EAF2: variants seen among roughly 807,000 people sequenced by gnomAD.
The protein encoded by EAF2 is ELL associated factor 2, also known as ELL-associated factor 2.
A neutral mutation model predicts 29.4 loss-of-function variants in EAF2; 29 were observed. The ratio of observed to expected loss-of-function variants is 0.99; its 90% CI spans 0.73 to 1.35. The LOEUF (loss-of-function observed/expected upper bound fraction) is 1.35. Among genes scored for constraint, EAF2 ranks in the 40% most tolerant of loss-of-function variants. The probability of loss-of-function intolerance (pLI) is 0.00; values close to 1 mark genes in which losing one functional copy is unlikely to be tolerated. For synonymous variants in EAF2, 103 were observed against 102.5 expected (o/e 1.00, Z -0.03); for missense variants, 292 against 312.0 (o/e 0.94, Z 0.48).
At chr3:121,839,278 T>C (rs1205162303) in intron 1 of EAF2, among the ~76,000 whole-genome samples, 1 of 152,194 alleles carries the variant, frequency 6.6e-6, no homozygotes, top group Non-Finnish European at 1.5e-5. Context: ...ATATCTTCTC[T>C]TGGCAGCAGT....
intron 1 of EAF2, among the ~76,000 whole-genome samples, chr3:121,843,091 A>C (rs1708463278): frequency 6.6e-6 from 1 of 152,166 alleles, no homozygotes; most frequent in Non-Finnish European, 1.5e-5. Context: ...CTTTCTGTAA[A>C]TTGTTTATAT....
At chr3:121,881,311 G>A (rs1435392106) in intron 5 of EAF2, among the ~76,000 whole-genome samples, 2 of 152,124 alleles carry the variant, frequency 1.3e-5, no homozygotes, top group African/African-American at 4.8e-5. Context: ...ATGTTTGGTA[G>A]AATTCAGTAT....
At position 121,886,382 on chromosome 3, in the gene EAF2, T is replaced by C. The variant is rs373626345; in HGVS notation, c.777T>C (p.Asp259=). 6.8e-7 allele frequency: 1 copy of C among 1,467,932 alleles called. No individual in the cohort carries two copies. The highest frequency in any genetic ancestry group is 1.6e-5 in the South Asian group (1 of 63,704). 90.9% of individuals were successfully genotyped at this position (1,467,932 alleles called of 1,614,324 possible). A position where few individuals can be genotyped will look rare whatever the true frequency, so the allele number is the denominator to read the frequency against. The change falls in exon 6 of 6, where the codon GAT becomes GAC. Residue 259 remains aspartate, a synonymous_variant. Transcript: ENST00000273668. ...LQLSESGSDS[D]D ...TGAGTGAATCAGGAAGTGACAGTGA[T>C]GACTGAAGAAATATTTAGCTATAAA...
chr3:121,871,337 A>T (rs925426420), intron 4 of EAF2, among the ~76,000 whole-genome samples: 1 of 151,898 alleles, frequency 6.6e-6, no homozygotes, highest in African/African-American at 2.4e-5. Flanking sequence ...AATAGACAAA[A>T]ATCTTTGGTA....
intron 5 of EAF2, among the ~76,000 whole-genome samples, chr3:121,875,676 C>A (rs75263603): frequency 6.6e-6 from 1 of 151,556 alleles, no homozygotes; most frequent in Non-Finnish European, 1.5e-5. Flanking sequence ...TAAATAAGTA[C>A]GCTAAAAACA....
intron 1 of EAF2, among the ~76,000 whole-genome samples, chr3:121,843,415 A>T (rs1041269243): frequency 6.6e-6 from 1 of 152,062 alleles, no homozygotes; most frequent in Admixed American, 6.6e-5. Flanking sequence ...TAATATGAAG[A>T]TTAATCTTTT....
intron 5 of EAF2, among the ~76,000 whole-genome samples, chr3:121,873,514 T>C (rs1375684219): frequency 3.3e-5 from 5 of 151,852 alleles, no homozygotes; most frequent in Non-Finnish European, 5.9e-5. Context: ...ATGACCTAAC[T>C]GGTTCACCCC....
intron 1 of EAF2, among the ~76,000 whole-genome samples, chr3:121,840,070 T>C (rs1708382268): frequency 6.7e-6 from 1 of 149,642 alleles, no homozygotes; most frequent in Non-Finnish European, 1.5e-5. Context: ...CGGGAGCCCG[T>C]AATCCAGCTT....
chr3:121,877,743 A>T (rs1244902282), intron 5 of EAF2, among the ~76,000 whole-genome samples: 1 of 151,992 alleles, frequency 6.6e-6, no homozygotes, highest in East Asian at 1.9e-4. Flanking sequence ...GTCTTAAAGG[A>T]GAATAGGAAA....
Position 121,835,343 on chromosome 3 carries a change from G to C in EAF2, c.58G>C (p.Gly20Arg). 1 of 1,614,174 alleles carries C rather than the reference G, an allele frequency of 6.2e-7. No homozygotes were observed. ...LDRRERVLKL[G>R]ESFEKQPRCA... ...CCGTCGCGAGCGGGTTCTCAAGTTAGGGGAGAGTTTCGAGAAGCAGCCGCG... is the reference window on the plus strand; with the variant it reads ...CCGTCGCGAGCGGGTTCTCAAGTTACGGGAGAGTTTCGAGAAGCAGCCGCG... The change falls in exon 1 of 6, where the codon GGG becomes CGG. Residue 20 changes from glycine (G) to arginine (R), a missense_variant. Coordinates refer to ENST00000273668, the MANE Select transcript of EAF2 (RefSeq NM_018456.6).
intron 4 of EAF2, among the ~76,000 whole-genome samples, chr3:121,857,473 C>T (rs1384647615): frequency 6.2e-5 from 9 of 146,158 alleles, no homozygotes; most frequent in South Asian, 2.1e-4. Context: ...GCCTGGGTGA[C>T]GGTGAGACTC....
intron 4 of EAF2, 46 bp from the exon 5 acceptor site, chr3:121,872,491 A>C: frequency 1.4e-6 from 2 of 1,379,556 alleles, no homozygotes; most frequent in Non-Finnish European, 2.0e-6. Context: ...ATATTTATTT[A>C]GCATTTTTTA....
At chr3:121,862,427 C>T (rs971138469) in intron 4 of EAF2, among the ~76,000 whole-genome samples, 1 of 152,206 alleles carries the variant, frequency 6.6e-6, no homozygotes, top group African/African-American at 2.4e-5. Context: ...ATTTGATCTT[C>T]AATCACTGAA....
chr3:121,879,278 G>GT (rs1214728595), intron 5 of EAF2, among the ~76,000 whole-genome samples: 1 of 152,032 alleles, frequency 6.6e-6, no homozygotes, highest in Non-Finnish European at 1.5e-5. Flanking sequence ...ATATATTCTG[G>GT]TTTTTAATCC....
In EAF2 at chr3:121,844,457, CT is replaced by C; in HGVS notation, c.113del (p.Phe38SerfsTer22). The C allele has an allele frequency of 6.2e-7, 1 of 1,604,720 alleles. No homozygotes were observed. The highest frequency in any genetic ancestry group is 2.3e-5 in the East Asian group (1 of 44,306). ...GGTATTTGTATCTATTTTTAGATGA[CT>C]TCAAACCTGCTTCTATTGACACTTC... The part of the protein sequence containing the change: ...RCAFHTVRYD[F>X]KPASIDTSSE... On this transcript the variant is annotated frameshift_variant, in exon 2 of 6. Coordinates refer to ENST00000273668, the MANE Select transcript of EAF2 (RefSeq NM_018456.6). LOFTEE classifies it high-confidence loss of function.
At chr3:121,884,618 G>C (rs1709250830) in intron 5 of EAF2, among the ~76,000 whole-genome samples, 1 of 151,800 alleles carries the variant, frequency 6.6e-6, no homozygotes, top group South Asian at 2.1e-4. Flanking sequence ...GTAGAGACGG[G>C]GTTTCACCAT....
intron 4 of EAF2, among the ~76,000 whole-genome samples, chr3:121,865,757 A>G (rs995167083): frequency 1.3e-5 from 2 of 152,202 alleles, no homozygotes; most frequent in Non-Finnish European, 2.9e-5. Context: ...ACCAACAAAT[A>G]GGATGATACC....
At chr3:121,853,222 A>G (rs1194563919) in intron 2 of EAF2, among the ~76,000 whole-genome samples, 2 of 152,182 alleles carry the variant, frequency 1.3e-5, no homozygotes, top group Non-Finnish European at 2.9e-5. Flanking sequence ...CCATGCTATT[A>G]TCACAAATAA....
chr3:121,870,177 G>A (rs1300465214), intron 4 of EAF2, among the ~76,000 whole-genome samples: 3 of 152,102 alleles, frequency 2.0e-5, no homozygotes, highest in Non-Finnish European at 4.4e-5. Context: ...GCTCATTTAT[G>A]AGGCCAGTAT....
Sources: gnomAD v4.1 joint callset for allele counts (sites outside exome capture counted in the v4.1 genomes callset) on GRCh38, gnomAD v4.1.1 for gene constraint, MANE v1.5 for transcripts, NCBI Gene and HGNC (gene_info 2026-07-23, HGNC 2026-07-21) for gene names.